Variants in EBF1 observed in about 807,000 individuals in gnomAD.
EBF1 encodes transcription factor COE1.
A neutral mutation model predicts 68.4 loss-of-function variants in EBF1; 10 were observed. The ratio of observed to expected loss-of-function variants is 0.15; its 90% CI spans 0.09 to 0.25. The LOEUF is 0.25. EBF1 is among the 10% of genes least tolerant of loss of function. EBF1 has a pLI of 1.00. For synonymous variants in EBF1, 298 were observed against 299.8 expected, an observed-to-expected ratio of 0.99 and a Z score of 0.06; for missense variants, 509 against 794.4, an observed-to-expected ratio of 0.64 and a Z score of 4.32.
intron 5 of EBF1, among the ~76,000 whole-genome samples, chr5:159,081,893 A>C (rs1779795827): frequency 6.6e-6 from 1 of 152,168 alleles, no homozygotes; most frequent in Non-Finnish European, 1.5e-5. Flanking sequence ...TGTAATGATG[A>C]TTGATATGAT....
At chr5:159,099,246 C>T in intron 1 of EBF1, 99 bp downstream of exon 1, 5 of 1,037,124 alleles carry the variant, frequency 4.8e-6, no homozygotes, top group East Asian at 7.2e-5. Context: ...ACCCCGCCGC[C>T]CGGCCCCGCG....
intron 4 of EBF1, among the ~76,000 whole-genome samples, chr5:159,085,967 G>A (rs1218715767): frequency 6.6e-6 from 1 of 151,980 alleles, no homozygotes; most frequent in East Asian, 1.9e-4. Flanking sequence ...AATGAACATT[G>A]CAGTAAAATA....
chr5:159,058,898 A>G (rs1451024097), intron 6 of EBF1, among the ~76,000 whole-genome samples: 1 of 152,238 alleles, frequency 6.6e-6, no homozygotes, highest in African/African-American at 2.4e-5. Flanking sequence ...GGACTGAGCT[A>G]GAATTCTTTT....
intron 6 of EBF1, among the ~76,000 whole-genome samples, chr5:158,978,491 A>C (rs1757222160): frequency 6.6e-6 from 1 of 152,118 alleles, no homozygotes; most frequent in Non-Finnish European, 1.5e-5. Context: ...TTAACCTTTA[A>C]GGCAGCAAGG....
intron 11 of EBF1, among the ~76,000 whole-genome samples, chr5:158,720,899 A>G (rs1009768274): frequency 6.6e-6 from 1 of 152,200 alleles, no homozygotes; most frequent in African/African-American, 2.4e-5. Flanking sequence ...TAAAGACTTC[A>G]TAGTATTTTA....
intron 6 of EBF1, among the ~76,000 whole-genome samples, chr5:159,004,504 A>G (rs1458511743): frequency 6.6e-6 from 1 of 150,960 alleles, no homozygotes; most frequent in Non-Finnish European, 1.5e-5. Context: ...ATTTTGCTAT[A>G]AAGTAGCAAA....
chr5:158,872,397 A>T (rs541176519), intron 6 of EBF1, among the ~76,000 whole-genome samples: 26 of 152,008 alleles, frequency 1.7e-4, no homozygotes, highest in Admixed American at 3.3e-4. Context: ...GGGTTTTATC[A>T]TGTTGTCCAG....
intron 6 of EBF1, among the ~76,000 whole-genome samples, chr5:159,035,931 G>C (rs1042912922): frequency 6.6e-6 from 1 of 152,174 alleles, no homozygotes; most frequent in African/African-American, 2.4e-5. Context: ...TCCTTGGGTT[G>C]ATCTCCCCAA....
rs149393471 is a variant in EBF1 at position 158,796,748 on chromosome 5, G to A, written c.779-273C>T. Among the ~76,000 whole-genome samples the A allele has an allele frequency of 1.1e-3, 164 of 152,096 alleles. 1 individual carries two copies. The highest frequency in any genetic ancestry group is 3.7e-3 in the African/African-American group (153 of 41,514). ...GAAACTTTATGAAATAAAACACAAA[G>A]CAAATTTTAATTTGTGAAATGCTAA... On this transcript the variant is annotated intron_variant, in intron 8 of 15. Coordinates refer to ENST00000313708, the MANE Select transcript of EBF1 (RefSeq NM_024007.5).
chr5:158,712,280 T>A lies in EBF1; in HGVS notation c.1423A>T (p.Thr475Ser). ...GAGTTATAGTTGGTCTGCTGGGGAG[T>A]GGTGCTCGGCACGTACCCGTGTGGT... Reference protein sequence around the residue: ...VSPHGYVPSTTPQQTNYNSVT... With the variant: ...VSPHGYVPSTSPQQTNYNSVT... Residue 475 changes from threonine (T) to serine (S), a missense_variant, in exon 14 of 16, where the codon ACT (threonine) becomes TCT (serine). Around this residue, in one of 3 missense-constraint regions of EBF1, gnomAD observed 205 missense variants for 247.4 expected, o/e 0.83. Transcript: ENST00000313708. 1 of 1,613,478 alleles carries A rather than the reference T, an allele frequency of 6.2e-7. No homozygotes were observed. Among genetic ancestry groups the A allele is most frequent in the Non-Finnish European group, 8.5e-7 (1 of 1,179,882 alleles).
At chr5:159,084,287 ACT>A (rs1376710559) in intron 5 of EBF1, among the ~76,000 whole-genome samples, 1 of 152,168 alleles carries the variant, frequency 6.6e-6, no homozygotes, top group East Asian at 1.9e-4. Flanking sequence ...CAAACAGAAG[ACT>A]CTGCTGACAT....
intron 12 of EBF1, among the ~76,000 whole-genome samples, chr5:158,713,555 A>T (rs928027382): frequency 6.6e-6 from 1 of 152,140 alleles, no homozygotes; most frequent in Non-Finnish European, 1.5e-5. Context: ...AGAGGCTGCA[A>T]TTCACCTCCC....
chr5:159,045,984 T>C (rs1772312261), intron 6 of EBF1, among the ~76,000 whole-genome samples: 2 of 152,186 alleles, frequency 1.3e-5, no homozygotes, highest in Admixed American at 6.5e-5. Flanking sequence ...CTTCTAGCTC[T>C]GCCACCAGTA....
chr5:158,754,954 C>T (rs10064732), intron 10 of EBF1, among the ~76,000 whole-genome samples: 43,475 of 151,946 alleles, frequency 0.29, 6,662 homozygotes, highest in African/African-American at 0.38. Context: ...AAAATGAAAA[C>T]ACCCTAAGTA....
At chr5:158,895,661 G>C (rs1237982260) in intron 6 of EBF1, among the ~76,000 whole-genome samples, 5 of 152,190 alleles carry the variant, frequency 3.3e-5, no homozygotes, top group African/African-American at 4.8e-5. Flanking sequence ...CCTGAGAGGA[G>C]AATGGTAAGC....
chr5:158,920,121 T>G (rs1197741232), intron 6 of EBF1, among the ~76,000 whole-genome samples: 4 of 152,130 alleles, frequency 2.6e-5, no homozygotes, highest in African/African-American at 9.7e-5. Context: ...TTTAGAAAGA[T>G]GTATTCCAAA....
intron 6 of EBF1, among the ~76,000 whole-genome samples, chr5:159,003,246 A>G (rs1159312497): frequency 1.3e-5 from 2 of 152,216 alleles, no homozygotes; most frequent in South Asian, 4.1e-4. Flanking sequence ...TACAAAAAGC[A>G]ACAGCCGAAA....
intron 10 of EBF1, among the ~76,000 whole-genome samples, chr5:158,739,627 A>G (rs1765883922): frequency 6.6e-6 from 1 of 152,198 alleles, no homozygotes; most frequent in African/African-American, 2.4e-5. Context: ...GTAATGGATG[A>G]TGGCGTTTAA....
At chr5:159,009,286 AATTG>A (rs1380885729) in intron 6 of EBF1, among the ~76,000 whole-genome samples, 1 of 152,124 alleles carries the variant, frequency 6.6e-6, no homozygotes, top group Non-Finnish European at 1.5e-5. Flanking sequence ...GTTTTCTGTT[AATTG>A]TTTTATAGTG....
Sources: gnomAD v4.1 joint callset for allele counts (sites outside exome capture counted in the v4.1 genomes callset) on GRCh38, gnomAD v4.1.1 for gene constraint, gnomAD v4.1.1 regional missense constraint, MANE v1.5 for transcripts, NCBI Gene and HGNC (gene_info 2026-07-23, HGNC 2026-07-21) for gene names.